APOL6: variants seen among roughly 807,000 people sequenced by gnomAD.
The protein encoded by APOL6 is apolipoprotein L6.
In APOL6, 1 loss-of-function variant was observed where a neutral mutation model predicts 2.4. That is an observed-to-expected ratio of 0.41 (90% CI 0.15 to 1.94). The LOEUF (loss-of-function observed/expected upper bound fraction) is 1.94, where lower values mean the gene tolerates loss of function less well. Ranked by LOEUF, APOL6 falls within the 30% of genes most tolerant of loss-of-function variation. The pLI, the probability that APOL6 is intolerant of heterozygous loss-of-function variation, is 0.30. For missense variants in APOL6, 438 were observed against 429.2 expected (o/e 1.02, Z -0.18); for synonymous variants, 189 against 169.3 (o/e 1.12, Z -0.90).
chr22:35,652,934 A>G (rs1330597113), intron 1 of APOL6, among the ~76,000 whole-genome samples: 2 of 151,866 alleles, frequency 1.3e-5, no homozygotes, highest in Non-Finnish European at 2.9e-5. Context: ...TTCTGTGAAG[A>G]AAGTCATTGG....
intron 1 of APOL6, among the ~76,000 whole-genome samples, chr22:35,652,108 TATCTC>T (rs1416601475): frequency 1.3e-5 from 2 of 152,216 alleles, no homozygotes; most frequent in Non-Finnish European, 2.9e-5. Flanking sequence ...TGTGAGATGG[TATCTC>T]ATTGTGGTTT....
intron 2 of APOL6, among the ~76,000 whole-genome samples, chr22:35,657,186 T>C (rs540369064): frequency 2.5e-4 from 38 of 152,210 alleles, no homozygotes; most frequent in Non-Finnish European, 7.3e-5. Flanking sequence ...CTGTTTCTTT[T>C]TGTCTAGCAT....
At chr22:35,652,555 T>C (rs1373484422) in intron 1 of APOL6, among the ~76,000 whole-genome samples, 5 of 152,324 alleles carry the variant, frequency 3.3e-5, no homozygotes, top group Admixed American at 3.3e-4. Flanking sequence ...CTTTAATCCA[T>C]CTTGAATTAA....
rs1480942892 is a variant in APOL6 at position 35,662,571 on chromosome 22, TATTG to T, written c.*2979_*2982del. ...ACTGAACCAATGTTCTTCTTACATA[TATTG>T]ATTAATGTCTTATGTCTCCCTAAAA... On this transcript the variant is annotated 3_prime_UTR_variant, in exon 3 of 3. Coordinates refer to ENST00000409652, the MANE Select transcript of APOL6 (RefSeq NM_030641.4). The T allele has an allele frequency of 6.6e-6, 1 of 152,290 alleles. No homozygotes were observed. The allele number at this position is 152,290 out of a possible 1,614,324, so 9.4% of individuals were successfully genotyped here.
At chr22:35,654,521 ACT>A (rs35425813) in intron 1 of APOL6, among the ~76,000 whole-genome samples, 4,508 of 147,536 alleles carry the variant, frequency 0.031, 107 homozygotes, top group East Asian at 0.15. Flanking sequence ...GGGGATAAGA[ACT>A]CTCTCTCTCT....
intron 1 of APOL6, among the ~76,000 whole-genome samples, chr22:35,655,255 A>T (rs1005663183): frequency 2.0e-5 from 3 of 152,208 alleles, no homozygotes; most frequent in Non-Finnish European, 4.4e-5. Context: ...GTCTTGGGTT[A>T]CAAGGATCCT....
At chr22:35,651,669 T>C (rs1924701394) in intron 1 of APOL6, among the ~76,000 whole-genome samples, 2 of 152,136 alleles carry the variant, frequency 1.3e-5, no homozygotes, top group Admixed American at 1.3e-4. Flanking sequence ...GTCCTTGCGA[T>C]AGTTTGCTGA....
rs35425813 is a variant in APOL6 at position 35,654,521 on chromosome 22, ACTCT to A, written c.-47-1841_-47-1838del. Among the ~76,000 whole-genome samples the A allele has an allele frequency of 6.1e-3, 894 of 147,762 alleles. 4 individuals carry two copies. The highest frequency in any genetic ancestry group is 8.9e-3 in the Non-Finnish European group (600 of 67,152). The stretch of plus-strand genomic sequence containing the variant: ...CCCTGTGCCAGAAATGGGGATAAGA[ACTCT>A]CTCTCTCTCTCTCTCTATATATATA... On this transcript the variant is annotated intron_variant, in intron 1 of 2. Coordinates refer to ENST00000409652, the MANE Select transcript of APOL6 (RefSeq NM_030641.4).
Position 35,662,118 on chromosome 22 carries a change from C to T in APOL6, c.*2522C>T, listed in dbSNP as rs1204433105. On this transcript the variant is annotated 3_prime_UTR_variant, in exon 3 of 3. Coordinates refer to ENST00000409652, the MANE Select transcript of APOL6 (RefSeq NM_030641.4). Reference sequence around the variant, plus strand: ...ATTACCTTCCTTCTGGAGAAACTTCCCTTAATCAAATAAGAGAACTTCAAA... The same window carrying T: ...ATTACCTTCCTTCTGGAGAAACTTCTCTTAATCAAATAAGAGAACTTCAAA... 2 of 152,078 alleles carry T rather than the reference C, an allele frequency of 1.3e-5. No individual in the cohort carries two copies. The highest frequency in any genetic ancestry group is 3.8e-4 in the East Asian group (2 of 5,198). The allele number at this position is 152,078 out of a possible 1,614,324, so 9.4% of individuals were successfully genotyped here. A position where few individuals can be genotyped will look rare whatever the true frequency, so the allele number is the denominator to read the frequency against.
intron 1 of APOL6, among the ~76,000 whole-genome samples, chr22:35,653,189 C>G (rs1375476661): frequency 1.3e-5 from 2 of 152,048 alleles, no homozygotes; most frequent in African/African-American, 2.4e-5. Flanking sequence ...CATGATTTGG[C>G]TCTCTGTTTG....
In APOL6 at chr22:35,664,925, T is replaced by C. The variant is rs1483176469; in HGVS notation, c.*5329T>C. ...TAAATAAAGTTATAAAAATAAAGAA[T>C]TTTTTCAAGGTTAAAAAGCTGAAAA... On this transcript the variant is annotated 3_prime_UTR_variant, in exon 3 of 3. Coordinates refer to ENST00000409652, the MANE Select transcript of APOL6 (RefSeq NM_030641.4). 2.6e-5 allele frequency: 4 copies of C among 151,772 alleles called. No individual in the cohort carries two copies. The highest frequency in any genetic ancestry group is 2.6e-4 in the Admixed American group (4 of 15,246). The allele number at this position is 151,772 out of a possible 1,614,324, so 9.4% of individuals were successfully genotyped here. A position where few individuals can be genotyped will look rare whatever the true frequency, so the allele number is the denominator to read the frequency against.
rs1321631775 is a variant in APOL6 at position 35,664,084 on chromosome 22, G to A, written c.*4488G>A. Reference sequence around the variant, plus strand: ...AGTAAAATCTTTAATAAATAAAGTAGCTTTAAAATTATTGGTAAAGTAGTA... The same window carrying A: ...AGTAAAATCTTTAATAAATAAAGTAACTTTAAAATTATTGGTAAAGTAGTA... On this transcript the variant is annotated 3_prime_UTR_variant, in exon 3 of 3. Coordinates refer to ENST00000409652, the MANE Select transcript of APOL6 (RefSeq NM_030641.4). The A allele has an allele frequency of 6.6e-6, 1 of 152,176 alleles. No homozygotes were observed. Among genetic ancestry groups the A allele is most frequent in the Admixed American group, 6.5e-5 (1 of 15,278 alleles). The allele number at this position is 152,176 out of a possible 1,614,324, so 9.4% of individuals were successfully genotyped here.
chr22:35,659,629 G>A lies in APOL6; in HGVS notation c.*33G>A. 6.5e-7 allele frequency: 1 copy of A among 1,543,180 alleles called. No individual in the cohort carries two copies. Among genetic ancestry groups the A allele is most frequent in the African/African-American group, 1.4e-5 (1 of 73,356 alleles). On this transcript the variant is annotated 3_prime_UTR_variant, in exon 3 of 3. Transcript: ENST00000409652. ...TCAGGACATGGCATACAATGGCCTTGGAGGTCCAAATAATATCAAGTACAT... is the reference window on the plus strand; with the variant it reads ...TCAGGACATGGCATACAATGGCCTTAGAGGTCCAAATAATATCAAGTACAT...
chr22:35,656,567 G>A (rs1359630849), intron 2 of APOL6, 92 bp downstream of exon 2: 3 of 1,471,010 alleles, frequency 2.0e-6, no homozygotes, highest in East Asian at 2.3e-5. Context: ...TGCTCTGATA[G>A]GATTAGCTGT....
chr22:35,652,638 A>G lies in APOL6; in HGVS notation c.-47-3741A>G, dbSNP rs1275432311. On this transcript the variant is annotated intron_variant, in intron 1 of 2. Coordinates refer to ENST00000409652, the MANE Select transcript of APOL6 (RefSeq NM_030641.4). ...GTGGCTAGCCAGTTTTCCCAGCACC[A>G]TTTATTAAACAGGGAATCATTTCCC... is the stretch of plus-strand genomic sequence containing the variant. Among the ~76,000 whole-genome samples, 5 of 152,240 alleles carry G rather than the reference A, an allele frequency of 3.3e-5. No homozygotes were observed. In the South Asian group the frequency reaches 8.3e-4, roughly 25 times the overall value.
At chr22:35,649,381 T>TG (rs1235116710) in intron 1 of APOL6, among the ~76,000 whole-genome samples, 2 of 148,238 alleles carry the variant, frequency 1.3e-5, no homozygotes, top group Admixed American at 1.4e-4. Flanking sequence ...AAGAATGCAG[T>TG]GAGCAGTGAT....
At chr22:35,655,741 G>A (rs929174221) in intron 1 of APOL6, among the ~76,000 whole-genome samples, 1 of 151,702 alleles carries the variant, frequency 6.6e-6, no homozygotes, top group African/African-American at 2.4e-5. Flanking sequence ...ACACATTAAC[G>A]AGAGAAAACC....
Position 35,664,431 on chromosome 22 carries a change from G to A in APOL6, c.*4835G>A, listed in dbSNP as rs1198976222. The stretch of plus-strand genomic sequence containing the variant: ...AAAGGACTGTTATTGTCATTGTTTC[G>A]AAGCTGAACTTAAACTAGGTTCCTC... On this transcript the variant is annotated 3_prime_UTR_variant, in exon 3 of 3. Coordinates refer to ENST00000409652, the MANE Select transcript of APOL6 (RefSeq NM_030641.4). 2.0e-5 allele frequency: 3 copies of A among 152,176 alleles called. No homozygotes were observed. The highest frequency in any genetic ancestry group is 6.5e-5 in the Admixed American group (1 of 15,278). The allele number at this position is 152,176 out of a possible 1,614,324, so 9.4% of individuals were successfully genotyped here.
chr22:35,666,148 T>C lies in APOL6; in HGVS notation c.*6552T>C, dbSNP rs1217673876. The C allele has an allele frequency of 6.6e-6, 1 of 152,242 alleles. No individual in the cohort carries two copies. The highest frequency in any genetic ancestry group is 1.5e-5 in the Non-Finnish European group (1 of 68,054). The allele number at this position is 152,242 out of a possible 1,614,324, so 9.4% of individuals were successfully genotyped here. ...TTATCAGTAATAATCATAATTGTTA[T>C]ATTAAAATTATTGTGTGCCACAGAG... On this transcript the variant is annotated 3_prime_UTR_variant, in exon 3 of 3. Coordinates refer to ENST00000409652, the MANE Select transcript of APOL6 (RefSeq NM_030641.4).
Sources: allele counts gnomAD v4.1 joint callset (sites outside exome capture counted in the v4.1 genomes callset), GRCh38; gene constraint gnomAD v4.1.1; transcripts MANE v1.5; gene names NCBI Gene and HGNC (gene_info 2026-07-23, HGNC 2026-07-21).